ATP8B1: variants seen among roughly 807,000 people sequenced by gnomAD.
The protein encoded by ATP8B1 is ATPase phospholipid transporting 8B1, also known as phospholipid-transporting ATPase IC.
Under a neutral mutation model 149.9 loss-of-function variants are expected in ATP8B1, and 80 were observed. The observed-to-expected ratio is 0.53, with a 90% CI of 0.45 to 0.64. The LOEUF (loss-of-function observed/expected upper bound fraction) is 0.64, where lower values mean the gene tolerates loss of function less well. ATP8B1 is among the 30% of genes least tolerant of loss of function. The pLI is 0.00. For missense variants in ATP8B1, 1,247 were observed against 1,552.6 expected, an observed-to-expected ratio of 0.80 and a Z score of 3.31; for synonymous variants, 536 against 562.8, an observed-to-expected ratio of 0.95 and a Z score of 0.67.
chr18:57,770,975 T>G (rs2080258877), intron 1 of ATP8B1, among the ~76,000 whole-genome samples: 1 of 152,258 alleles, frequency 6.6e-6, no homozygotes, highest in Non-Finnish European at 1.5e-5. Flanking sequence ...GCGATTCTCC[T>G]GCCTCAGCTT....
intron 1 of ATP8B1, among the ~76,000 whole-genome samples, chr18:57,780,651 C>A (rs1277479999): frequency 6.6e-6 from 1 of 152,238 alleles, no homozygotes; most frequent in Non-Finnish European, 1.5e-5. Context: ...CTAAGAAATA[C>A]ACTTGTTCAA....
chr18:57,661,509 C>G (rs1053947709), intron 21 of ATP8B1, 47 bp from the exon 22 acceptor site: 1 of 1,573,366 alleles, frequency 6.4e-7, no homozygotes, highest in Non-Finnish European at 8.7e-7. Flanking sequence ...TAGTTTTACC[C>G]CAGGAGTACC....
chr18:57,711,957 A>C (rs116122879), intron 2 of ATP8B1, among the ~76,000 whole-genome samples: 2,155 of 151,710 alleles, frequency 0.014, 50 homozygotes, highest in African/African-American at 0.048. Context: ...GGAAAACTTC[A>C]TTTTCATTCT....
chr18:57,723,909 T>C (rs2079677004), intron 2 of ATP8B1, among the ~76,000 whole-genome samples: 1 of 148,208 alleles, frequency 6.7e-6, no homozygotes, highest in Non-Finnish European at 1.5e-5. Flanking sequence ...GAAATATAGA[T>C]CAATGGAACA....
chr18:57,651,205 C>T (rs944059797), intron 26 of ATP8B1, among the ~76,000 whole-genome samples: 25 of 152,226 alleles, frequency 1.6e-4, no homozygotes, highest in African/African-American at 5.8e-4. Flanking sequence ...CTCCTGGGCT[C>T]AGGTGTCCTC....
chr18:57,739,483 C>G (rs1243939479), intron 1 of ATP8B1, among the ~76,000 whole-genome samples: 1 of 152,136 alleles, frequency 6.6e-6, no homozygotes, highest in Non-Finnish European at 1.5e-5. Context: ...CCCACCAGAC[C>G]ATAAACTCTA....
chr18:57,743,014 A>G (rs771605365), intron 1 of ATP8B1, among the ~76,000 whole-genome samples: 4 of 152,120 alleles, frequency 2.6e-5, no homozygotes, highest in Non-Finnish European at 5.9e-5. Flanking sequence ...AGCATTTCCT[A>G]GTAATATTAT....
Position 57,698,841 on chromosome 18 carries a change from C to T in ATP8B1, c.555-974G>A, listed in dbSNP as rs573915901. Among the ~76,000 whole-genome samples, 6 of 152,308 alleles carry T rather than the reference C, an allele frequency of 3.9e-5. No homozygotes were observed. The East Asian group carries it at 1.2e-3, about 29-fold the overall frequency. Reference sequence around the variant, plus strand: ...CGTCTTGACATCTTTCCCCACATTCCCTCGCTAAAGTGAATTTTCCCTTCC... The same window carrying T: ...CGTCTTGACATCTTTCCCCACATTCTCTCGCTAAAGTGAATTTTCCCTTCC... On this transcript the variant is annotated intron_variant, in intron 6 of 27. Coordinates refer to ENST00000648908, the MANE Select transcript of ATP8B1 (RefSeq NM_001374385.1).
rs146813025 is a variant in ATP8B1 at position 57,785,845 on chromosome 18, A to G, written c.-26+17153T>C. ...GTGTTTGTGACTATTATACTAAGTT[A>G]TGAAGTCCAAGAAAGAACTTGGTTA... On this transcript the variant is annotated intron_variant, in intron 1 of 27. Coordinates refer to ENST00000648908, the MANE Select transcript of ATP8B1 (RefSeq NM_001374385.1). Among the ~76,000 whole-genome samples, 580 of 152,290 alleles carry G rather than the reference A, an allele frequency of 3.8e-3. 7 individuals are homozygous for G. The highest frequency in any genetic ancestry group is 3.9e-3 in the Non-Finnish European group (268 of 68,026).
At chr18:57,658,467 A>G (rs555646448) in intron 22 of ATP8B1, among the ~76,000 whole-genome samples, 8 of 152,322 alleles carry the variant, frequency 5.3e-5, no homozygotes, top group African/African-American at 1.4e-4. Context: ...AAGGCAGCCT[A>G]TGATAGTCCT....
chr18:57,694,765 T>TA lies in ATP8B1; in HGVS notation c.941-96dup, dbSNP rs1912718177. ...CTCTTCTTGGCCAGGCATGGTGGCTTACGCCTGTAATCCCAGCAGTTTTGG... is the reference window on the plus strand; with the variant it reads ...CTCTTCTTGGCCAGGCATGGTGGCTTAACGCCTGTAATCCCAGCAGTTTTGG... On this transcript the variant is annotated intron_variant, in intron 10 of 27. Coordinates refer to ENST00000648908, the MANE Select transcript of ATP8B1 (RefSeq NM_001374385.1). 8.8e-6 allele frequency: 8 copies of TA among 904,498 alleles called. No individual in the cohort carries two copies. The South Asian group carries it at 1.1e-4, about 13-fold the overall frequency. 56.0% of individuals were successfully genotyped at this position (904,498 alleles called of 1,614,324 possible).
At chr18:57,707,444 G>T (rs1006443115) in intron 2 of ATP8B1, among the ~76,000 whole-genome samples, 1 of 152,148 alleles carries the variant, frequency 6.6e-6, no homozygotes, top group Non-Finnish European at 1.5e-5. Context: ...CACCAAATTG[G>T]CAGAGAAGAG....
chr18:57,717,067 A>G (rs1282892205), intron 2 of ATP8B1, among the ~76,000 whole-genome samples: 1 of 152,242 alleles, frequency 6.6e-6, no homozygotes, highest in Non-Finnish European at 1.5e-5. Context: ...ATGTTCCTAA[A>G]TGACCAGTGG....
rs73959354 is a variant in ATP8B1, at chr18:57,784,724, C to T, written c.-26+18274G>A. On this transcript the variant is annotated intron_variant, in intron 1 of 27. Transcript: ENST00000648908. The surrounding 1 kb of genome is among the most constrained non-coding windows in gnomAD (Gnocchi z 4.4). ...TGCCTATGACTAAGTCCTGCGAAAC[C>T]GTAGCATTTTAAGAGGACTCCTACC... Among the ~76,000 whole-genome samples the T allele has an allele frequency of 0.031, 4,726 of 152,130 alleles. 239 individuals are homozygous for T. Among genetic ancestry groups the T allele is most frequent in the African/African-American group, 0.11 (4,500 of 41,470 alleles).
chr18:57,674,255 AAAAG>A (rs1364324458), intron 16 of ATP8B1, among the ~76,000 whole-genome samples: 44 of 135,772 alleles, frequency 3.2e-4, no homozygotes, highest in African/African-American at 1.2e-3. Flanking sequence ...AAAAAAAAAA[AAAAG>A]AAAAGAAAAG....
At chr18:57,749,900 A>G (rs1230454117) in intron 1 of ATP8B1, among the ~76,000 whole-genome samples, 2 of 152,196 alleles carry the variant, frequency 1.3e-5, no homozygotes, top group Admixed American at 1.3e-4. Flanking sequence ...AAAAGAAAGG[A>G]AAAAAATGGA....
At chr18:57,679,563 AC>A (rs1281502491) in intron 15 of ATP8B1, among the ~76,000 whole-genome samples, 12 of 152,096 alleles carry the variant, frequency 7.9e-5, no homozygotes, top group African/African-American at 2.7e-4. Context: ...CACAAATCCC[AC>A]CTCTCAGTTC....
chr18:57,689,021 T>C (rs1270858708), intron 12 of ATP8B1, among the ~76,000 whole-genome samples: 1 of 152,238 alleles, frequency 6.6e-6, no homozygotes, highest in Non-Finnish European at 1.5e-5. Context: ...ATTCTCAGGC[T>C]TCAGGGTCAA....
intron 23 of ATP8B1, among the ~76,000 whole-genome samples, chr18:57,654,337 G>A (rs1045486377): frequency 3.4e-5 from 5 of 146,412 alleles, no homozygotes; most frequent in African/African-American, 1.3e-4. Context: ...TTTTTCTTCT[G>A]AGACAGAGTC....
Sources: gnomAD v4.1 joint callset for allele counts (sites outside exome capture counted in the v4.1 genomes callset) on GRCh38, gnomAD v4.1.1 for gene constraint, Gnocchi (gnomAD v3.1) non-coding constraint, MANE v1.5 for transcripts, NCBI Gene and HGNC (gene_info 2026-07-23, HGNC 2026-07-21) for gene names.